Variants in DNMT1 observed in about 807,000 individuals in gnomAD.
The protein encoded by DNMT1 is DNA (cytosine-5)-methyltransferase 1.
A neutral mutation model predicts 205.3 loss-of-function variants in DNMT1; 24 were observed. That is an observed-to-expected ratio of 0.12 (90% CI 0.08 to 0.16). The LOEUF is 0.16. DNMT1 is among the 10% of genes least tolerant of loss of function. The pLI is 1.00. For missense variants in DNMT1, 1,293 were observed against 2,177.7 expected, an observed-to-expected ratio of 0.59 and a Z score of 8.09; for synonymous variants, 817 against 839.8, an observed-to-expected ratio of 0.97 and a Z score of 0.47.
chr19:10,180,951 C>G lies in DNMT1; in HGVS notation c.118-66G>C, dbSNP rs1340795054. On this transcript the variant is annotated intron_variant, in intron 2 of 40. Transcript: ENST00000359526. ...AGCTATTCACTAGTGGACTAATACACAAATTATTGAGCTGCCTGATCACAT... is the reference window on the plus strand; with the variant it reads ...AGCTATTCACTAGTGGACTAATACAGAAATTATTGAGCTGCCTGATCACAT... 6.8e-6 allele frequency: 9 copies of G among 1,323,510 alleles called. No individual in the cohort carries two copies. The East Asian group carries it at 1.6e-4, about 24-fold the overall frequency. 82.0% of individuals were successfully genotyped at this position (1,323,510 alleles called of 1,614,324 possible). A position where few individuals can be genotyped will look rare whatever the true frequency, so the allele number is the denominator to read the frequency against.
Position 10,143,960 on chromosome 19 carries a change from G to C in DNMT1, c.2922C>G (p.Arg974=), listed in dbSNP as rs1411782470. 1.9e-6 allele frequency: 3 copies of C among 1,613,982 alleles called. No homozygotes were observed. The highest frequency in any genetic ancestry group is 2.5e-6 in the Non-Finnish European group (3 of 1,179,978). Residue 974 remains arginine, a synonymous_variant, in exon 29 of 41, where the codon CGC becomes CGG. Coordinates refer to ENST00000359526, the MANE Select transcript of DNMT1 (RefSeq NM_001130823.3). ...FNIKLSSPVK[R]PRKEPVDEDL... Reference sequence around the variant, plus strand: ...CCTCATCCACGGGCTCCTTCCGTGGGCGTTTCACGGGACTGGACAGCTTGA... The same window carrying C: ...CCTCATCCACGGGCTCCTTCCGTGGCCGTTTCACGGGACTGGACAGCTTGA...
At chr19:10,178,270 T>TA (rs2038973805) in intron 5 of DNMT1, among the ~76,000 whole-genome samples, 3 of 147,122 alleles carry the variant, frequency 2.0e-5, no homozygotes, top group Non-Finnish European at 4.5e-5. Flanking sequence ...AAAAATAAAA[T>TA]AAAGGGCCAG....
At chr19:10,144,142 G>T in intron 28 of DNMT1, 155 bp from the exon 29 acceptor site, 1 of 804,588 alleles carries the variant, frequency 1.2e-6, no homozygotes, top group Non-Finnish European at 2.1e-6. Flanking sequence ...GGGCATTGTG[G>T]CTCACGCCTG....
intron 13 of DNMT1, among the ~76,000 whole-genome samples, chr19:10,162,021 T>C (rs2038579383): frequency 6.6e-6 from 1 of 151,974 alleles, no homozygotes; most frequent in Non-Finnish European, 1.5e-5. Flanking sequence ...TTTGTATTTT[T>C]AGTAGAGACA....
At chr19:10,175,410 G>T in intron 7 of DNMT1, 130 bp downstream of exon 7, 1 of 967,962 alleles carries the variant, frequency 1.0e-6, no homozygotes, top group Non-Finnish European at 1.6e-6. Flanking sequence ...TATTGGTCCT[G>T]TCTCTCTGGA....
intron 10 of DNMT1, among the ~76,000 whole-genome samples, chr19:10,167,157 C>T (rs1290864495): frequency 6.6e-6 from 1 of 152,062 alleles, no homozygotes; most frequent in Admixed American, 6.6e-5. Flanking sequence ...CAGGCTCAGT[C>T]TCAAAATTTG....
At chr19:10,148,495 C>CAAAAAAAAAAAAAA (rs1222064600) in intron 27 of DNMT1, among the ~76,000 whole-genome samples, 1 of 58,548 alleles carries the variant, frequency 1.7e-5, no homozygotes. Flanking sequence ...GACTCCGTCT[C>CAAAAAAAAAAAAAA]AAAAAAAAAA....
intron 1 of DNMT1, among the ~76,000 whole-genome samples, chr19:10,187,446 GAAT>G (rs2039211268): frequency 6.7e-6 from 1 of 149,098 alleles, no homozygotes; most frequent in Admixed American, 6.7e-5. Context: ...CTACAAGAAA[GAAT>G]AATTAGCTGG....
rs2089546393 is a variant in DNMT1, at chr19:10,138,834, G to A, written c.3949-229C>T. Among the ~76,000 whole-genome samples, 1 of 152,210 alleles carries A rather than the reference G, an allele frequency of 6.6e-6. No homozygotes were observed. Among genetic ancestry groups the A allele is most frequent in the Non-Finnish European group, 1.5e-5 (1 of 68,038 alleles). ...AGGGGACAGCCACTGGGGAAGGTGGGAGCAAACCCTGCGGGGAAGTCCGGC... is the reference window on the plus strand; with the variant it reads ...AGGGGACAGCCACTGGGGAAGGTGGAAGCAAACCCTGCGGGGAAGTCCGGC... On this transcript the variant is annotated intron_variant, in intron 34 of 40. Coordinates refer to ENST00000359526, the MANE Select transcript of DNMT1 (RefSeq NM_001130823.3). This position sits in a 1 kb window ranked among gnomAD's most constrained non-coding sequence, Gnocchi z 4.1.
rs149321035 is a variant in DNMT1 at position 10,135,702 on chromosome 19, C to T, written c.4773+34G>A. 206 of 1,597,622 alleles carry T rather than the reference C, an allele frequency of 1.3e-4. No homozygotes were observed. The African/African-American group carries it at 2.1e-3, about 16-fold the overall frequency. ...TGGTGACAGGCACAGAAGCCTCCTT[C>T]CTGTCCAGACCCAGCGGGCGCCGCC... On this transcript the variant is annotated intron_variant, in intron 39 of 40. Coordinates refer to ENST00000359526, the MANE Select transcript of DNMT1 (RefSeq NM_001130823.3).
chr19:10,146,549 C>T lies in DNMT1; in HGVS notation c.2721-25G>A, dbSNP rs1179865459. The T allele has an allele frequency of 1.2e-6, 2 of 1,613,726 alleles. No individual in the cohort carries two copies. The highest frequency in any genetic ancestry group is 1.3e-5 in the African/African-American group (1 of 75,054). On this transcript the variant is annotated intron_variant, in intron 27 of 40. Transcript: ENST00000359526. This position sits in a 1 kb window ranked among gnomAD's most constrained non-coding sequence, Gnocchi z 4.4. ...TCTGAAGGAAACAAAGGGACAGAAA[C>T]ATAAGGCCCTGAGGTGGCCGGCAGT...
intron 1 of DNMT1, among the ~76,000 whole-genome samples, chr19:10,192,104 G>A (rs935151450): frequency 4.6e-5 from 7 of 151,824 alleles, no homozygotes; most frequent in East Asian, 1.9e-4. Flanking sequence ...GATTACAGAC[G>A]TGAGCCACCG....
At chr19:10,144,039 CAGTCAGGCA>C (rs755135099) in intron 28 of DNMT1, 52 bp from the exon 29 acceptor site, 2 of 1,574,268 alleles carry the variant, frequency 1.3e-6, no homozygotes, top group African/African-American at 1.4e-5. Context: ...TTGCAGTGGT[CAGTCAGGCA>C]TGACTGACCA....
intron 10 of DNMT1, among the ~76,000 whole-genome samples, chr19:10,166,950 C>T (rs367680030): frequency 8.5e-5 from 13 of 152,322 alleles, no homozygotes; most frequent in South Asian, 6.2e-4. Context: ...GTCATGATTT[C>T]CGTGGCCTGA....
At chr19:10,178,050 A>G (rs1454390749) in intron 5 of DNMT1, among the ~76,000 whole-genome samples, 1 of 151,712 alleles carries the variant, frequency 6.6e-6, no homozygotes, top group African/African-American at 2.4e-5. Flanking sequence ...CAAGGTCAAG[A>G]GATCGAGACC....
intron 31 of DNMT1, 96 bp from the exon 32 acceptor site, chr19:10,141,005 A>T: frequency 6.2e-7 from 1 of 1,613,086 alleles, no homozygotes; most frequent in Non-Finnish European, 8.5e-7. Flanking sequence ...TCGCTGTCCC[A>T]GAGTCAGTAA....
rs1470212546 is a variant in DNMT1, at chr19:10,154,826, ACTG to A, written c.1645-56_1645-54del. 6.2e-7 allele frequency: 1 copy of A among 1,614,052 alleles called. No individual in the cohort carries two copies. The highest frequency in any genetic ancestry group is 1.3e-5 in the African/African-American group (1 of 74,914). On this transcript the variant is annotated intron_variant, in intron 20 of 40. Coordinates refer to ENST00000359526, the MANE Select transcript of DNMT1 (RefSeq NM_001130823.3). This position sits in a 1 kb window ranked among gnomAD's most constrained non-coding sequence, Gnocchi z 6.3. ...CTTAAGCCAAACTGGCCTAAATCCA[ACTG>A]AAGAACAGTGTCTGCTGGTTCTGAA...
chr19:10,154,715 C>T lies in DNMT1; in HGVS notation c.1703G>A (p.Arg568Gln), dbSNP rs748821501. 2 of 1,614,208 alleles carry T rather than the reference C, an allele frequency of 1.2e-6. No homozygotes were observed. The highest frequency in any genetic ancestry group is 1.7e-6 in the Non-Finnish European group (2 of 1,180,048). The change falls in exon 21 of 41, where the codon CGA becomes CAA. Residue 568 changes from arginine to glutamine, a missense_variant. Transcript: ENST00000359526. This position sits in a 1 kb window ranked among gnomAD's most constrained non-coding sequence, Gnocchi z 6.3. ...LNRFTEDSLL[R>Q]HAQFVVEQVE... ...CTGCTCCACCACAAACTGCGCGTGT[C>T]GCAGGAGGGAGTCCTCTGTGAAGCG... is the stretch of plus-strand genomic sequence containing the variant.
At chr19:10,181,296 A>G (rs146457388) in intron 2 of DNMT1, among the ~76,000 whole-genome samples, 2,932 of 152,146 alleles carry the variant, frequency 0.019, 47 homozygotes, top group Non-Finnish European at 0.027. Flanking sequence ...AAAAATATTT[A>G]AAAATTAGCT....
Sources: allele counts gnomAD v4.1 joint callset (sites outside exome capture counted in the v4.1 genomes callset), GRCh38; gene constraint gnomAD v4.1.1; non-coding constraint Gnocchi (gnomAD v3.1); transcripts MANE v1.5; gene names NCBI Gene and HGNC (gene_info 2026-07-23, HGNC 2026-07-21).